The following GOLGA1 variants were observed in gnomAD, a reference collection of about 807,000 sequenced individuals.
GOLGA1 encodes the protein golgin subfamily A member 1.
Under a neutral mutation model 119.7 loss-of-function variants are expected in GOLGA1, and 63 were observed. That is an observed-to-expected ratio of 0.53 (90% CI 0.43 to 0.65). The LOEUF is 0.65. Among genes scored for constraint, GOLGA1 ranks in the 30% least tolerant of loss-of-function variants. GOLGA1 has a pLI of 0.00. For missense variants in GOLGA1, 798 were observed against 912.8 expected (o/e 0.87, Z 1.62); for synonymous variants, 318 against 333.4 (o/e 0.95, Z 0.50).
chr9:124,904,938 T>A (rs1830190847), intron 12 of GOLGA1, among the ~76,000 whole-genome samples: 1 of 68,798 alleles, frequency 1.5e-5, no homozygotes, highest in Non-Finnish European at 3.0e-5. Context: ...AGCCAGACTC[T>A]GTCTCAAAAA....
At chr9:124,914,695 T>A (rs551626360) in intron 10 of GOLGA1, among the ~76,000 whole-genome samples, 1 of 152,304 alleles carries the variant, frequency 6.6e-6, no homozygotes, top group Non-Finnish European at 1.5e-5. Context: ...TCACATCCAT[T>A]TACAAGGAAA....
At chr9:124,909,803 C>T (rs1049886936) in intron 11 of GOLGA1, among the ~76,000 whole-genome samples, 16 of 152,064 alleles carry the variant, frequency 1.1e-4, no homozygotes, top group Non-Finnish European at 1.8e-4. Context: ...TCACTCTTGT[C>T]GCTCAGGCTG....
At chr9:124,940,330 C>T (rs1830981684) in intron 1 of GOLGA1, among the ~76,000 whole-genome samples, 175 bp from the exon 2 acceptor site, 1 of 152,138 alleles carries the variant, frequency 6.6e-6, no homozygotes, top group Non-Finnish European at 1.5e-5. Context: ...CCCTGATCTC[C>T]TATGAAATTG....
chr9:124,933,612 G>C (rs1426356218), intron 3 of GOLGA1, among the ~76,000 whole-genome samples: 1 of 151,974 alleles, frequency 6.6e-6, no homozygotes, highest in Non-Finnish European at 1.5e-5. Context: ...ACAGGGTTTC[G>C]CCATGTTGGC....
Position 124,899,524 on chromosome 9 carries a change from C to T in GOLGA1, c.1162-46G>A, listed in dbSNP as rs572617889. ...GGTCAGTCAGGGTGACAATGGTTTC[C>T]AGTGGGGGATCTTAGTCTGGCCCTA... On this transcript the variant is annotated intron_variant, in intron 13 of 22. Transcript: ENST00000373555. 1.5e-5 allele frequency: 23 copies of T among 1,523,478 alleles called. No individual in the cohort carries two copies. In the East Asian group the frequency reaches 4.9e-4, roughly 33 times the overall value. The allele number at this position is 1,523,478 out of a possible 1,614,324, so 94.4% of individuals were successfully genotyped here. A position where few individuals can be genotyped will look rare whatever the true frequency, so the allele number is the denominator to read the frequency against.
At chr9:124,919,564 A>T (rs1225059226) in intron 10 of GOLGA1, among the ~76,000 whole-genome samples, 1 of 152,234 alleles carries the variant, frequency 6.6e-6, no homozygotes, top group African/African-American at 2.4e-5. Flanking sequence ...ACTTACGGTT[A>T]TAACTGTGAA....
chr9:124,921,580 T>A lies in GOLGA1; in HGVS notation c.731+143A>T, dbSNP rs1588087954. ...TGGAGGTAGGGTGAGGCCTGAGTCC[T>A]AGGCAGGTAAGGATGTGTCCAGAAG... is the stretch of plus-strand genomic sequence containing the variant. On this transcript the variant is annotated intron_variant, in intron 9 of 22. Transcript: ENST00000373555. 3 of 723,690 alleles carry A rather than the reference T, an allele frequency of 4.1e-6. No individual in the cohort carries two copies. In the East Asian group the frequency reaches 7.4e-5, roughly 18 times the overall value. The allele number at this position is 723,690 out of a possible 1,614,324, so 44.8% of individuals were successfully genotyped here.
upstream of GOLGA1, among the ~76,000 whole-genome samples, chr9:124,941,760 G>A (rs1405422302): frequency 1.3e-5 from 2 of 152,072 alleles, no homozygotes; most frequent in Non-Finnish European, 2.9e-5. Context: ...TCCGCTGCTG[G>A]GCCGTCTCCT....
chr9:124,916,877 CAAAA>C (rs71494043), intron 10 of GOLGA1, among the ~76,000 whole-genome samples: 4 of 41,204 alleles, frequency 9.7e-5, no homozygotes, highest in Non-Finnish European at 8.3e-5. Context: ...CCCTGACACA[CAAAA>C]AAAAAAAAAA....
intron 7 of GOLGA1, among the ~76,000 whole-genome samples, chr9:124,925,098 T>A (rs1002353432): frequency 1.4e-5 from 2 of 143,194 alleles, no homozygotes; most frequent in African/African-American, 2.6e-5. Flanking sequence ...AAAAGAAAAA[T>A]TTTCCCCAAC....
intron 7 of GOLGA1, among the ~76,000 whole-genome samples, chr9:124,923,897 C>A (rs1307417725): frequency 7.2e-5 from 11 of 152,052 alleles, no homozygotes; most frequent in African/African-American, 2.7e-4. Context: ...ACTCTGTTGC[C>A]CAGGTTGGTT....
upstream of GOLGA1, among the ~76,000 whole-genome samples, chr9:124,941,972 T>C (rs977347473): frequency 6.6e-6 from 1 of 152,080 alleles, no homozygotes; most frequent in African/African-American, 2.4e-5. Context: ...GGAAAAACTA[T>C]CTTGTTCCAA....
intron 6 of GOLGA1, among the ~76,000 whole-genome samples, chr9:124,927,552 T>C (rs1830698078): frequency 6.6e-6 from 1 of 152,232 alleles, no homozygotes; most frequent in East Asian, 1.9e-4. Flanking sequence ...TCTGTCTTAA[T>C]AAATCAAAAT....
At chr9:124,901,791 A>G (rs989842584) in intron 12 of GOLGA1, among the ~76,000 whole-genome samples, 5 of 152,128 alleles carry the variant, frequency 3.3e-5, no homozygotes, top group Admixed American at 6.6e-5. Context: ...CAGGACACAC[A>G]GTATTTTTTT....
chr9:124,891,604 T>TCA (rs1230575750), intron 15 of GOLGA1, among the ~76,000 whole-genome samples: 1 of 152,146 alleles, frequency 6.6e-6, no homozygotes, highest in Non-Finnish European at 1.5e-5. Flanking sequence ...ACCTCAGGCT[T>TCA]CAGCAGTCCT....
chr9:124,880,563 C>A lies in GOLGA1; in HGVS notation c.2271G>T (p.Pro757=). The A allele has an allele frequency of 6.2e-7, 1 of 1,610,204 alleles. No homozygotes were observed. The highest frequency in any genetic ancestry group is 1.1e-5 in the South Asian group (1 of 90,990). Residue 757 remains proline, a synonymous_variant, in exon 23 of 23, where the codon CCG becomes CCT. Coordinates refer to ENST00000373555, the MANE Select transcript of GOLGA1 (RefSeq NM_002077.4). ...ATGGTATCCGAGGGTTTGAGATAGA[C>A]GGCCGGATGCTGCCCTTGGGAGCTG... ...SKPAPKGSIR[P]SISNPRIPWS
At position 124,878,755 on chromosome 9, in the gene GOLGA1, CG is replaced by C. The variant is rs1372588110; in HGVS notation, c.*1774del. The C allele has an allele frequency of 6.6e-6, 1 of 152,214 alleles. No homozygotes were observed. The highest frequency in any genetic ancestry group is 2.4e-5 in the African/African-American group (1 of 41,422). The allele number at this position is 152,214 out of a possible 1,614,324, so 9.4% of individuals were successfully genotyped here. On this transcript the variant is annotated 3_prime_UTR_variant, in exon 23 of 23. Coordinates refer to ENST00000373555, the MANE Select transcript of GOLGA1 (RefSeq NM_002077.4). ...ATGGCTGGAGAAGCCACGGAGGCAG[CG>C]GATGGGCTTCTGTGGAAATGTAGCT... is the stretch of plus-strand genomic sequence containing the variant.
At chr9:124,919,616 G>A (rs1830520885) in intron 10 of GOLGA1, among the ~76,000 whole-genome samples, 1 of 152,184 alleles carries the variant, frequency 6.6e-6, no homozygotes, top group Admixed American at 6.5e-5. Context: ...GTATCTGTAA[G>A]TATGATAATA....
intron 7 of GOLGA1, among the ~76,000 whole-genome samples, chr9:124,924,432 C>T (rs879059950): frequency 6.6e-6 from 1 of 151,398 alleles, no homozygotes; most frequent in Admixed American, 6.6e-5. Flanking sequence ...GAGTTGGAGA[C>T]CAGCCTGCGC....
Sources: gnomAD v4.1 joint callset for allele counts (sites outside exome capture counted in the v4.1 genomes callset) on GRCh38, gnomAD v4.1.1 for gene constraint, MANE v1.5 for transcripts, NCBI Gene and HGNC (gene_info 2026-07-23, HGNC 2026-07-21) for gene names.